Variants in SV2C observed in about 807,000 individuals in gnomAD.
SV2C encodes the protein synaptic vesicle glycoprotein 2C, also known as solute carrier family 22 member B3.
In SV2C, 49 loss-of-function variants were observed where a neutral mutation model predicts 79.7. The observed-to-expected ratio is 0.61, with a 90% CI of 0.49 to 0.78. SV2C has a LOEUF of 0.78. SV2C is among the 30% of genes least tolerant of loss of function. SV2C has a pLI of 0.00. For synonymous variants in SV2C, 334 were observed against 333.2 expected (o/e 1.00, Z -0.03); for missense variants, 833 against 912.9 (o/e 0.91, Z 1.13).
chr5:76,278,331 A>T (rs1025062505), intron 4 of SV2C, among the ~76,000 whole-genome samples: 3 of 152,184 alleles, frequency 2.0e-5, no homozygotes, highest in Admixed American at 6.5e-5. Context: ...ACAACTTCAG[A>T]TAGTGATAAG....
At chr5:76,224,707 T>TGAGTGGGG in intron 4 of SV2C, among the ~76,000 whole-genome samples, 1 of 152,298 alleles carries the variant, frequency 6.6e-6, no homozygotes. Context: ...AAAATCCTTT[T>TGAGTGGGG]TCTTCCATAT....
At chr5:76,078,927 C>T (rs1285810168), upstream of SV2C, 9 of 542,598 alleles carry the variant, frequency 1.7e-5, no homozygotes, top group Admixed American at 2.0e-5. Flanking sequence ...AAGAAGAGAT[C>T]GACAGCCTTT....
the SV2C span, among the ~76,000 whole-genome samples, chr5:75,866,972 T>G: frequency 6.6e-6 from 1 of 152,164 alleles, no homozygotes; most frequent in Non-Finnish European, 1.5e-5. Context: ...AAAATGTGTT[T>G]TCATCTTTCT....
chr5:76,209,577 A>G (rs1219923211), intron 3 of SV2C, among the ~76,000 whole-genome samples, 159 bp from the exon 4 acceptor site: 4 of 152,214 alleles, frequency 2.6e-5, no homozygotes, highest in Admixed American at 6.5e-5. Context: ...TACAGAGACT[A>G]TAATTTTTAC....
chr5:75,921,370 CT>C, the SV2C span: 1 of 922,084 alleles, frequency 1.1e-6, no homozygotes, highest in South Asian at 1.3e-5. Context: ...TTGGGGGGTG[CT>C]GGTAGGTGTC....
chr5:75,921,876 TATTCATTC>T, the SV2C span, among the ~76,000 whole-genome samples: 72 of 152,170 alleles, frequency 4.7e-4, no homozygotes, highest in South Asian at 0.014. Flanking sequence ...TCAATTTGTT[TATTCATTC>T]ATTCATTCAT....
chr5:76,067,875 C>T, the SV2C span, among the ~76,000 whole-genome samples: 1 of 151,836 alleles, frequency 6.6e-6, no homozygotes, highest in Non-Finnish European at 1.5e-5. Context: ...TCCAATTATA[C>T]CTTATAATGG....
the SV2C span, among the ~76,000 whole-genome samples, chr5:75,913,987 T>G: frequency 7.2e-5 from 11 of 152,262 alleles, no homozygotes; most frequent in African/African-American, 2.4e-4. Flanking sequence ...CCTTAAACAT[T>G]ATATTTTAAC....
chr5:76,123,831 A>G (rs1184684954), intron 1 of SV2C, among the ~76,000 whole-genome samples: 3 of 152,214 alleles, frequency 2.0e-5, no homozygotes, highest in African/African-American at 7.2e-5. Context: ...AACTTGTGAT[A>G]AAGTTCTGTC....
At chr5:76,036,092 G>T in the SV2C span, among the ~76,000 whole-genome samples, 8 of 151,796 alleles carry the variant, frequency 5.3e-5, no homozygotes, top group East Asian at 1.9e-4. Context: ...TTTTCCATTT[G>T]CTTGGTAGAT....
At chr5:76,079,163 G>A, upstream of SV2C, 1 of 337,862 alleles carries the variant, frequency 3.0e-6, no homozygotes, top group South Asian at 3.3e-5. Context: ...CTCATCCTTA[G>A]TAGGGATGTT....
intron 4 of SV2C, among the ~76,000 whole-genome samples, chr5:76,222,461 T>TG (rs1374352238): frequency 2.7e-5 from 4 of 146,192 alleles, no homozygotes; most frequent in East Asian, 2.0e-4. Context: ...GATTGGGGGG[T>TG]GGGGGGTGTA....
chr5:76,207,341 A>G (rs931737308), intron 3 of SV2C, among the ~76,000 whole-genome samples: 1 of 152,184 alleles, frequency 6.6e-6, no homozygotes, highest in Admixed American at 6.5e-5. Context: ...AGTCAGTAAA[A>G]ACTAGGACTA....
chr5:75,928,580 G>A, the SV2C span, among the ~76,000 whole-genome samples: 1 of 152,136 alleles, frequency 6.6e-6, no homozygotes, highest in Non-Finnish European at 1.5e-5. Flanking sequence ...TGATTATGTA[G>A]CTTTTTCCTC....
At chr5:75,948,646 A>T in the SV2C span, among the ~76,000 whole-genome samples, 1 of 151,922 alleles carries the variant, frequency 6.6e-6, no homozygotes, top group Non-Finnish European at 1.5e-5. Flanking sequence ...TTGTGTAGAA[A>T]CCTCAAGGAA....
At chr5:76,120,786 G>C (rs1295018430) in intron 1 of SV2C, among the ~76,000 whole-genome samples, 1 of 150,246 alleles carries the variant, frequency 6.7e-6, no homozygotes, top group Non-Finnish European at 1.5e-5. Flanking sequence ...ATTTGGGTTG[G>C]TTCCAAGTCT....
At chr5:76,272,817 C>T (rs867315129) in intron 4 of SV2C, among the ~76,000 whole-genome samples, 12 of 152,160 alleles carry the variant, frequency 7.9e-5, no homozygotes, top group South Asian at 2.1e-4. Context: ...TTTTCAGTCT[C>T]CTAAGACTGT....
At chr5:76,178,102 CAG>C (rs1245232298) in intron 2 of SV2C, among the ~76,000 whole-genome samples, 1 of 152,206 alleles carries the variant, frequency 6.6e-6, no homozygotes, top group Non-Finnish European at 1.5e-5. Context: ...ATATCAGTCT[CAG>C]GGTAGTCAGA....
intron 12 of SV2C, among the ~76,000 whole-genome samples, chr5:76,342,827 A>AACATGGTATG (rs1749467869): frequency 6.6e-6 from 1 of 152,032 alleles, no homozygotes; most frequent in Non-Finnish European, 1.5e-5. Context: ...TATTGCATAC[A>AACATGGTATG]TTTAATGTGT....
Sources: allele counts gnomAD v4.1 joint callset (sites outside exome capture counted in the v4.1 genomes callset), GRCh38; gene constraint gnomAD v4.1.1; transcripts MANE v1.5; gene names NCBI Gene and HGNC (gene_info 2026-07-23, HGNC 2026-07-21).